Variants in ESRRG observed in about 807,000 individuals in gnomAD.
ESRRG encodes estrogen related receptor gamma.
In ESRRG, 13 loss-of-function variants were observed where a neutral mutation model predicts 44.0. The ratio of observed to expected loss-of-function variants is 0.30; its 90% CI spans 0.19 to 0.47. The LOEUF is 0.47. ESRRG is among the 20% of genes least tolerant of loss of function. The pLI is 1.00. For missense variants in ESRRG, 395 were observed against 580.6 expected (o/e 0.68, Z 3.29); for synonymous variants, 215 against 214.6 (o/e 1.00, Z -0.02).
chr1:216,969,957 C>T (rs1019959193), intron 1 of ESRRG, among the ~76,000 whole-genome samples: 3 of 152,118 alleles, frequency 2.0e-5, no homozygotes, highest in African/African-American at 7.2e-5. Context: ...ATGGAAGATG[C>T]CTTTCATAAC....
intron 1 of ESRRG, among the ~76,000 whole-genome samples, chr1:217,102,671 C>T (rs2092534803): frequency 6.6e-6 from 1 of 152,196 alleles, no homozygotes; most frequent in African/African-American, 2.4e-5. Context: ...TATTCTTTAA[C>T]ACATATTTAT....
intron 3 of ESRRG, among the ~76,000 whole-genome samples, chr1:216,586,797 A>C (rs1005124009): frequency 6.6e-6 from 1 of 151,832 alleles, no homozygotes; most frequent in Non-Finnish European, 1.5e-5. Flanking sequence ...GGCTGGTCTC[A>C]AACTCGTGAC....
chr1:217,089,590 G>A (rs2092294023), exon 1 of ESRRG: 1 of 152,228 alleles, frequency 6.6e-6, no homozygotes, highest in Non-Finnish European at 1.5e-5. Context: ...CTTTGGCTAT[G>A]AAAGTCTACA....
intron 5 of ESRRG, among the ~76,000 whole-genome samples, chr1:216,526,715 G>C (rs1025138033): frequency 1.3e-5 from 2 of 152,170 alleles, no homozygotes; most frequent in Non-Finnish European, 2.9e-5. Context: ...GAATCTTCCA[G>C]TTCCAACAGT....
intron 5 of ESRRG, among the ~76,000 whole-genome samples, chr1:216,531,930 C>T (rs2149126034): frequency 6.6e-6 from 1 of 151,922 alleles, no homozygotes; most frequent in Non-Finnish European, 1.5e-5. Context: ...TCACTGAAAC[C>T]CTGCAAAAAA....
intron 5 of ESRRG, among the ~76,000 whole-genome samples, chr1:216,530,552 G>T (rs1342149532): frequency 6.6e-6 from 1 of 152,088 alleles, no homozygotes; most frequent in Non-Finnish European, 1.5e-5. Context: ...GTTTGTGAAG[G>T]CCTCACCTAC....
At chr1:216,569,027 C>A (rs769489982) in intron 3 of ESRRG, among the ~76,000 whole-genome samples, 16 of 150,654 alleles carry the variant, frequency 1.1e-4, no homozygotes, top group Non-Finnish European at 2.4e-4. Flanking sequence ...GCACTCCAGC[C>A]TGGGCAACAA....
At chr1:216,784,657 A>C (rs1431230759) in intron 2 of ESRRG, among the ~76,000 whole-genome samples, 2 of 152,074 alleles carry the variant, frequency 1.3e-5, no homozygotes, top group Non-Finnish European at 2.9e-5. Flanking sequence ...TGATTGTATC[A>C]ATGTTTTACT....
At chr1:216,989,608 T>A (rs999179609) in intron 1 of ESRRG, among the ~76,000 whole-genome samples, 1 of 152,140 alleles carries the variant, frequency 6.6e-6, no homozygotes, top group Admixed American at 6.6e-5. Context: ...TATTTAAATA[T>A]AGCCCCAAAT....
intron 1 of ESRRG, among the ~76,000 whole-genome samples, chr1:217,112,858 A>C (rs555895190): frequency 6.5e-4 from 99 of 152,330 alleles, no homozygotes; most frequent in African/African-American, 2.0e-3. Flanking sequence ...AGGATCTAAG[A>C]GAAAGCTTTG....
At chr1:216,716,862 G>A (rs1272545030) in intron 1 of ESRRG, among the ~76,000 whole-genome samples, 5 of 151,712 alleles carry the variant, frequency 3.3e-5, no homozygotes, top group Non-Finnish European at 4.4e-5. Context: ...TTAGTGTTGC[G>A]TGGTTTATAG....
At chr1:217,052,384 G>A (rs1330027239) in intron 1 of ESRRG, among the ~76,000 whole-genome samples, 5 of 152,328 alleles carry the variant, frequency 3.3e-5, no homozygotes, top group African/African-American at 1.2e-4. Flanking sequence ...AGCAGATGCT[G>A]GGGCAGGTTT....
At chr1:217,123,764 G>C (rs959277751) in intron 1 of ESRRG, among the ~76,000 whole-genome samples, 4 of 152,056 alleles carry the variant, frequency 2.6e-5, no homozygotes, top group Non-Finnish European at 5.9e-5. Flanking sequence ...GGGAGAGTAG[G>C]GGGGCAGCAA....
At chr1:216,728,399 AAGAG>A (rs1412492861), upstream of ESRRG, among the ~76,000 whole-genome samples, 1 of 152,090 alleles carries the variant, frequency 6.6e-6, no homozygotes, top group Non-Finnish European at 1.5e-5. Flanking sequence ...CAGTAAACCT[AAGAG>A]AGGACAAAAT....
intron 1 of ESRRG, among the ~76,000 whole-genome samples, chr1:217,119,474 C>T (rs1023097888): frequency 1.3e-5 from 2 of 152,128 alleles, no homozygotes; most frequent in African/African-American, 4.8e-5. Flanking sequence ...TCCTAACATC[C>T]TATACAAATG....
At chr1:216,838,319 G>T (rs1410728902) in intron 2 of ESRRG, among the ~76,000 whole-genome samples, 1 of 152,142 alleles carries the variant, frequency 6.6e-6, no homozygotes, top group Non-Finnish European at 1.5e-5. Flanking sequence ...GGTTTAGTTG[G>T]TTTTTCAGTC....
intron 2 of ESRRG, chr1:216,863,160 T>C (rs1399333693): frequency 6.6e-6 from 1 of 152,152 alleles, no homozygotes; most frequent in African/African-American, 2.4e-5. Flanking sequence ...TCTGATTCAG[T>C]AGGCCTGGGA....
chr1:216,939,267 C>A (rs527746795), intron 2 of ESRRG, among the ~76,000 whole-genome samples: 8 of 138,372 alleles, frequency 5.8e-5, no homozygotes, highest in African/African-American at 2.1e-4. Flanking sequence ...AGGGCAAAAC[C>A]TTTCCAAAGC....
chr1:217,091,637 A>G (rs1197895054), upstream of ESRRG, among the ~76,000 whole-genome samples: 3 of 152,320 alleles, frequency 2.0e-5, no homozygotes, highest in Admixed American at 2.0e-4. Context: ...AAAATTGGAC[A>G]TAGCTTCTCT....
Sources: allele counts gnomAD v4.1 joint callset (sites outside exome capture counted in the v4.1 genomes callset), GRCh38; gene constraint gnomAD v4.1.1; transcripts MANE v1.5; gene names NCBI Gene and HGNC (gene_info 2026-07-23, HGNC 2026-07-21).